CNTNAP2: variants seen among roughly 807,000 people sequenced by gnomAD.
CNTNAP2 encodes the protein contactin-associated protein-like 2.
Under a neutral mutation model 155.2 loss-of-function variants are expected in CNTNAP2, and 98 were observed. The ratio of observed to expected loss-of-function variants is 0.63; its 90% confidence interval spans 0.54 to 0.75. CNTNAP2 has a LOEUF of 0.75. Among genes scored for constraint, CNTNAP2 ranks in the 30% least tolerant of loss-of-function variants. The pLI is 0.00. For synonymous variants in CNTNAP2, 651 were observed against 631.2 expected (o/e 1.03, Z -0.47); for missense variants, 1,727 against 1,688.1 (o/e 1.02, Z -0.40).
At chr7:146,139,246 C>T (rs1161601273) in intron 1 of CNTNAP2, among the ~76,000 whole-genome samples, 1 of 151,986 alleles carries the variant, frequency 6.6e-6, no homozygotes, top group East Asian at 1.9e-4. Flanking sequence ...CAGTTTCTAC[C>T]GAATGAGTAT....
intron 2 of CNTNAP2, among the ~76,000 whole-genome samples, chr7:146,803,842 T>C (rs1269836515): frequency 6.6e-6 from 1 of 152,234 alleles, no homozygotes; most frequent in East Asian, 1.9e-4. Flanking sequence ...TTTCAAATAA[T>C]GCTGGAAAGC....
intron 11 of CNTNAP2, among the ~76,000 whole-genome samples, chr7:147,518,757 G>C (rs998728627): frequency 1.3e-5 from 2 of 152,116 alleles, no homozygotes; most frequent in African/African-American, 2.4e-5. Context: ...ATGGCTGGGC[G>C]TGGTGGCTCA....
chr7:146,897,359 G>A (rs1287207066), intron 3 of CNTNAP2, among the ~76,000 whole-genome samples: 2 of 152,082 alleles, frequency 1.3e-5, no homozygotes, highest in Admixed American at 1.3e-4. Context: ...ATATTCTGGT[G>A]CTTTAGGAAA....
chr7:146,845,478 A>G (rs564387980), intron 3 of CNTNAP2, among the ~76,000 whole-genome samples: 13 of 152,342 alleles, frequency 8.5e-5, no homozygotes, highest in African/African-American at 2.2e-4. Flanking sequence ...TAAGTAAAGA[A>G]ATTTTTCAAG....
intron 3 of CNTNAP2, among the ~76,000 whole-genome samples, chr7:146,921,089 A>G (rs1287498490): frequency 4.6e-5 from 7 of 152,210 alleles, no homozygotes; most frequent in Admixed American, 3.3e-4. Context: ...AGGAAAAATT[A>G]TAAGAACACA....
At chr7:146,131,198 A>G (rs1307363561) in intron 1 of CNTNAP2, among the ~76,000 whole-genome samples, 1 of 152,138 alleles carries the variant, frequency 6.6e-6, no homozygotes, top group East Asian at 1.9e-4. Context: ...ATTCTTAAGA[A>G]TTTCCCCTTG....
chr7:147,362,792 G>A (rs565737799), intron 9 of CNTNAP2, among the ~76,000 whole-genome samples: 5 of 152,224 alleles, frequency 3.3e-5, no homozygotes, highest in Admixed American at 1.3e-4. Flanking sequence ...TGGCATTGGA[G>A]AATTGAGCCT....
At chr7:147,229,951 G>A (rs139430745) in intron 8 of CNTNAP2, among the ~76,000 whole-genome samples, 1,750 of 152,070 alleles carry the variant, frequency 0.012, 16 homozygotes, top group Non-Finnish European at 0.016. Flanking sequence ...AAATAGTGAG[G>A]GGGACATAGT....
At chr7:147,429,173 C>T (rs1401246809) in intron 10 of CNTNAP2, among the ~76,000 whole-genome samples, 3 of 146,262 alleles carry the variant, frequency 2.1e-5, no homozygotes, top group Non-Finnish European at 4.5e-5. Flanking sequence ...TATATATATA[C>T]ACCACATTTT....
chr7:146,506,316 C>A (rs1028016801), intron 1 of CNTNAP2, among the ~76,000 whole-genome samples: 7 of 152,212 alleles, frequency 4.6e-5, no homozygotes, highest in Middle Eastern at 3.2e-3. Context: ...TAACATTGGG[C>A]AGCTGTCTCT....
At chr7:146,617,999 G>T (rs1235923690) in intron 1 of CNTNAP2, among the ~76,000 whole-genome samples, 2 of 151,994 alleles carry the variant, frequency 1.3e-5, no homozygotes, top group African/African-American at 4.8e-5. Context: ...TGCTTTTCTT[G>T]TATAATCCTT....
intron 14 of CNTNAP2, among the ~76,000 whole-genome samples, chr7:147,953,615 T>C (rs1439603085): frequency 6.6e-6 from 1 of 152,190 alleles, no homozygotes; most frequent in Non-Finnish European, 1.5e-5. Flanking sequence ...AGACAAGCTG[T>C]GTTAGTATCC....
At chr7:147,453,044 A>C (rs2116572265) in intron 10 of CNTNAP2, among the ~76,000 whole-genome samples, 1 of 152,126 alleles carries the variant, frequency 6.6e-6, no homozygotes, top group South Asian at 2.1e-4. Context: ...GAGAAAGGGA[A>C]AGAAGGAAGA....
chr7:147,873,871 C>A (rs554914187), intron 13 of CNTNAP2, among the ~76,000 whole-genome samples: 12 of 152,218 alleles, frequency 7.9e-5, no homozygotes, highest in Non-Finnish European at 1.6e-4. Flanking sequence ...GTAAATACAC[C>A]CATTCCAAAT....
At chr7:147,674,928 C>A (rs1386022302) in intron 13 of CNTNAP2, among the ~76,000 whole-genome samples, 1 of 150,910 alleles carries the variant, frequency 6.6e-6, no homozygotes, top group Non-Finnish European at 1.5e-5. Context: ...TTTCCATTTT[C>A]CTATCAGCTG....
intron 3 of CNTNAP2, among the ~76,000 whole-genome samples, chr7:146,940,336 A>G (rs1336465046): frequency 6.6e-6 from 1 of 151,956 alleles, no homozygotes; most frequent in East Asian, 1.9e-4. Flanking sequence ...AGCTGGGATT[A>G]CAGTCGCCCG....
chr7:147,271,147 G>C (rs535933931), intron 8 of CNTNAP2, among the ~76,000 whole-genome samples: 53 of 152,176 alleles, frequency 3.5e-4, no homozygotes, highest in Non-Finnish European at 6.0e-4. Flanking sequence ...AACTTGTATA[G>C]ATCATGATAA....
intron 21 of CNTNAP2, among the ~76,000 whole-genome samples, chr7:148,286,551 G>A (rs979910410): frequency 6.6e-6 from 1 of 152,088 alleles, no homozygotes; most frequent in African/African-American, 2.4e-5. Context: ...GTAAGTTTTA[G>A]TAGATTTTCT....
chr7:146,160,453 G>T lies in CNTNAP2; in HGVS notation c.97+43480G>T, dbSNP rs184651903. Among the ~76,000 whole-genome samples, 30 of 150,986 alleles carry T rather than the reference G, an allele frequency of 2.0e-4. No individual in the cohort carries two copies. The East Asian group carries it at 5.9e-3, about 29-fold the overall frequency. ...AAATTGATAGACTGCTAGCAAGACT[G>T]CTAGCAAGGCTAATAAAGAAGAAAA... On this transcript the variant is annotated intron_variant, in intron 1 of 23. Coordinates refer to ENST00000361727, the MANE Select transcript of CNTNAP2 (RefSeq NM_014141.6).
Sources: allele counts gnomAD v4.1 joint callset (sites outside exome capture counted in the v4.1 genomes callset), GRCh38; gene constraint gnomAD v4.1.1; transcripts MANE v1.5; gene names NCBI Gene and HGNC (gene_info 2026-07-23, HGNC 2026-07-21).